CYP19A1: variants seen among roughly 807,000 people sequenced by gnomAD.
CYP19A1 encodes aromatase.
A neutral mutation model predicts 44.4 loss-of-function variants in CYP19A1; 32 were observed. That is an observed-to-expected ratio of 0.72 (90% CI 0.54 to 0.97). The LOEUF is 0.97. Among genes scored for constraint, CYP19A1 ranks in the 50% least tolerant of loss-of-function variants. The pLI, the probability that CYP19A1 is intolerant of heterozygous loss-of-function variation, is 0.00. For synonymous variants in CYP19A1, 212 were observed against 215.6 expected, an observed-to-expected ratio of 0.98 and a Z score of 0.14; for missense variants, 598 against 637.8, an observed-to-expected ratio of 0.94 and a Z score of 0.67.
chr15:51,299,871 C>A (rs368208640), intron 1 of CYP19A1, among the ~76,000 whole-genome samples: 1 of 152,194 alleles, frequency 6.6e-6, no homozygotes, highest in African/African-American at 2.4e-5. Context: ...CACTGACCTC[C>A]CACTGGACAC....
chr15:51,329,718 G>T (rs2036670669), intron 1 of CYP19A1, among the ~76,000 whole-genome samples: 1 of 152,192 alleles, frequency 6.6e-6, no homozygotes, highest in South Asian at 2.1e-4. Context: ...AATTGTAAGG[G>T]CACTGCCCTC....
chr15:51,337,894 A>T (rs1383002552), intron 1 of CYP19A1: 1 of 152,434 alleles, frequency 6.6e-6, no homozygotes, highest in Admixed American at 6.5e-5. Flanking sequence ...TTGGAGAGGG[A>T]TCTGACAGTG....
intron 1 of CYP19A1, among the ~76,000 whole-genome samples, chr15:51,258,086 AGT>A (rs1285967904): frequency 6.6e-6 from 1 of 152,198 alleles, no homozygotes; most frequent in Non-Finnish European, 1.5e-5. Context: ...CCAGGGATTG[AGT>A]GGTAAAACAG....
Position 51,227,855 on chromosome 15 carries a change from G to C in CYP19A1, c.375C>G (p.Ile125Met). The change falls in exon 4 of 10, where the codon ATC (isoleucine) becomes ATG (methionine). Residue 125 changes from isoleucine to methionine, a missense_variant. By Grantham distance (10) the Ile-to-Met change is conservative. Transcript: ENST00000396402. ...ATATGATGCCTTTCTCATGCATACC[G>C]ATGCACTGCAGCCCAAGTTTGCTGC... ...RFGSKLGLQC[I>M]GMHEKGIIFN... is the part of the protein sequence containing the mutation. 1 of 1,519,428 alleles carries C rather than the reference G, an allele frequency of 6.6e-7. No individual in the cohort carries two copies. Among genetic ancestry groups the C allele is most frequent in the Non-Finnish European group, 9.1e-7 (1 of 1,093,784 alleles). 94.1% of individuals were successfully genotyped at this position (1,519,428 alleles called of 1,614,324 possible).
At chr15:51,325,317 G>A (rs546379551) in intron 1 of CYP19A1, among the ~76,000 whole-genome samples, 1 of 152,256 alleles carries the variant, frequency 6.6e-6, no homozygotes, top group South Asian at 2.1e-4. Context: ...GTGTAGGAGT[G>A]GTGAGGACTG....
intron 1 of CYP19A1, among the ~76,000 whole-genome samples, chr15:51,243,280 A>T (rs2033886878): frequency 6.6e-6 from 1 of 152,164 alleles, no homozygotes. Flanking sequence ...AATTATAAGA[A>T]AATAAAGCTC....
At chr15:51,274,277 T>A (rs1032084368) in intron 1 of CYP19A1, among the ~76,000 whole-genome samples, 1 of 152,172 alleles carries the variant, frequency 6.6e-6, no homozygotes, top group African/African-American at 2.4e-5. Context: ...TTATTACCGA[T>A]TTTTGTACAA....
At chr15:51,295,398 G>A (rs2035973533) in intron 1 of CYP19A1, among the ~76,000 whole-genome samples, 1 of 152,108 alleles carries the variant, frequency 6.6e-6, no homozygotes, top group South Asian at 2.1e-4. Context: ...CCTAGGCCCA[G>A]CCTGTCATTC....
intron 1 of CYP19A1, among the ~76,000 whole-genome samples, chr15:51,288,354 C>A (rs1433796582): frequency 6.6e-6 from 1 of 152,156 alleles, no homozygotes; most frequent in African/African-American, 2.4e-5. Flanking sequence ...ACCGCCCACC[C>A]CCCATAGTCC....
At chr15:51,253,185 G>A (rs1481156226) in intron 1 of CYP19A1, among the ~76,000 whole-genome samples, 2 of 152,136 alleles carry the variant, frequency 1.3e-5, no homozygotes, top group African/African-American at 4.8e-5. Flanking sequence ...TTCTTGATGT[G>A]GTTACTAGGA....
intron 1 of CYP19A1, among the ~76,000 whole-genome samples, chr15:51,319,565 C>T (rs555333449): frequency 1.3e-5 from 2 of 152,312 alleles, no homozygotes; most frequent in East Asian, 3.9e-4. Flanking sequence ...CATCACCTGT[C>T]ACCCATAAGG....
At chr15:51,271,634 C>T (rs889766005) in intron 1 of CYP19A1, among the ~76,000 whole-genome samples, 1 of 152,198 alleles carries the variant, frequency 6.6e-6, no homozygotes, top group Admixed American at 6.5e-5. Flanking sequence ...TCCCACCATC[C>T]TTTTGGTTTT....
At position 51,209,842 on chromosome 15, in the gene CYP19A1, GT is replaced by G. The variant is rs2030758857; in HGVS notation, c.*965del. 1 of 159,364 alleles carries G rather than the reference GT, an allele frequency of 6.3e-6. No individual in the cohort carries two copies. Among genetic ancestry groups the G allele is most frequent in the South Asian group, 1.9e-4 (1 of 5,352 alleles). The allele number at this position is 159,364 out of a possible 1,614,324, so 9.9% of individuals were successfully genotyped here. On this transcript the variant is annotated 3_prime_UTR_variant, in exon 10 of 10. Transcript: ENST00000396402. ...GGGATGAGAGGAGTACCCCTTAGAA[GT>G]TTGAGCCCATTGGGTTGGGACTTTT... is the stretch of plus-strand genomic sequence containing the variant.
rs397758290 is a variant in CYP19A1 at position 51,227,752 on chromosome 15, A to AAGG, written c.451+26_451+27insCCT. 59 of 1,067,484 alleles carry AAGG rather than the reference A, an allele frequency of 5.5e-5. 1 individual carries two copies. In the South Asian group the frequency reaches 7.3e-4, roughly 13 times the overall value. The allele number at this position is 1,067,484 out of a possible 1,614,324, so 66.1% of individuals were successfully genotyped here. The stretch of plus-strand genomic sequence containing the variant: ...AAAGGCACATTCATAGACAAAAAAG[A>AAGG]TTGTAGCTAACTAAGTACCTGCTTA... On this transcript the variant is annotated intron_variant, in intron 4 of 9. Transcript: ENST00000396402.
intron 9 of CYP19A1, among the ~76,000 whole-genome samples, chr15:51,211,322 T>C (rs1183209648): frequency 3.9e-5 from 6 of 152,324 alleles, no homozygotes; most frequent in Non-Finnish European, 8.8e-5. Context: ...CCAAATCTTA[T>C]TACAGCAAGT....
At chr15:51,290,283 ATGG>A (rs1220475946) in intron 1 of CYP19A1, among the ~76,000 whole-genome samples, 2 of 152,256 alleles carry the variant, frequency 1.3e-5, no homozygotes, top group Admixed American at 6.5e-5. Flanking sequence ...AGGAGCAGCC[ATGG>A]TGGTGAACAG....
At chr15:51,292,478 T>C (rs1339906950) in intron 1 of CYP19A1, among the ~76,000 whole-genome samples, 1 of 152,208 alleles carries the variant, frequency 6.6e-6, no homozygotes, top group East Asian at 1.9e-4. Flanking sequence ...ATCCCAAATT[T>C]ATGGAAAGCT....
chr15:51,220,154 A>C (rs1224739776), intron 5 of CYP19A1, among the ~76,000 whole-genome samples: 1 of 152,140 alleles, frequency 6.6e-6, no homozygotes, highest in East Asian at 1.9e-4. Flanking sequence ...TTCTTCCCTC[A>C]TATCTGCCTG....
At chr15:51,242,129 T>C (rs2033806351) in intron 2 of CYP19A1, 1 of 153,820 alleles carries the variant, frequency 6.5e-6, no homozygotes, top group African/African-American at 2.4e-5. Context: ...CTGCTTTTGA[T>C]TGAACCACAG....
Sources: allele counts gnomAD v4.1 joint callset (sites outside exome capture counted in the v4.1 genomes callset), GRCh38; gene constraint gnomAD v4.1.1; transcripts MANE v1.5; gene names NCBI Gene and HGNC (gene_info 2026-07-23, HGNC 2026-07-21).